Variants in SAMD12 observed in about 807,000 individuals in gnomAD.
SAMD12 encodes the protein sterile alpha motif domain-containing protein 12.
Under a neutral mutation model 15.0 loss-of-function variants are expected in SAMD12, and 9 were observed. The ratio of observed to expected loss-of-function variants is 0.60; its 90% CI spans 0.36 to 1.05. The LOEUF (loss-of-function observed/expected upper bound fraction) is 1.05, where lower values mean the gene tolerates loss of function less well. Ranked by LOEUF, SAMD12 falls within the 50% of genes least tolerant of loss-of-function variation. The probability of loss-of-function intolerance (pLI) is 0.01; values close to 1 mark genes in which losing one functional copy is unlikely to be tolerated. For synonymous variants in SAMD12, 86 were observed against 90.1 expected (o/e 0.96, Z 0.25); for missense variants, 230 against 234.2 (o/e 0.98, Z 0.12).
chr8:118,342,196 G>A (rs920486977), intron 4 of SAMD12, among the ~76,000 whole-genome samples: 1 of 151,826 alleles, frequency 6.6e-6, no homozygotes, highest in Non-Finnish European at 1.5e-5. Context: ...GGAGGCTGAG[G>A]CATGAGAGTC....
At chr8:118,600,150 T>C (rs891718880) in intron 1 of SAMD12, among the ~76,000 whole-genome samples, 1 of 152,170 alleles carries the variant, frequency 6.6e-6, no homozygotes, top group African/African-American at 2.4e-5. Flanking sequence ...GTGTGTTAGG[T>C]AAGAAACTTA....
At chr8:118,369,157 G>C (rs1818951230) in intron 4 of SAMD12, among the ~76,000 whole-genome samples, 1 of 152,308 alleles carries the variant, frequency 6.6e-6, no homozygotes, top group East Asian at 1.9e-4. Context: ...GATGAATACA[G>C]TATTATTAGT....
intron 4 of SAMD12, among the ~76,000 whole-genome samples, chr8:118,269,304 G>A (rs554205213): frequency 5.0e-5 from 7 of 140,934 alleles, no homozygotes; most frequent in East Asian, 4.7e-4. Flanking sequence ...ACCTGCTTTC[G>A]CTGTTTTTGA....
At chr8:118,177,200 T>G in the SAMD12 span, among the ~76,000 whole-genome samples, 1 of 151,610 alleles carries the variant, frequency 6.6e-6, no homozygotes, top group Non-Finnish European at 1.5e-5. Flanking sequence ...ATGAGTTGAG[T>G]TGAATTTTGT....
At chr8:118,156,954 A>G in the SAMD12 span, among the ~76,000 whole-genome samples, 14 of 152,314 alleles carry the variant, frequency 9.2e-5, no homozygotes, top group East Asian at 9.7e-4. Flanking sequence ...TGTTTGCCCT[A>G]TGGAAATTAG....
chr8:118,407,467 G>A (rs1186486252), intron 3 of SAMD12, among the ~76,000 whole-genome samples: 1 of 152,042 alleles, frequency 6.6e-6, no homozygotes, highest in Non-Finnish European at 1.5e-5. Context: ...GCATTCTTAA[G>A]GAAAATAAAT....
At chr8:118,588,238 C>T (rs1397843020) in intron 1 of SAMD12, among the ~76,000 whole-genome samples, 1 of 152,098 alleles carries the variant, frequency 6.6e-6, no homozygotes, top group South Asian at 2.1e-4. Flanking sequence ...AATGTGTTGA[C>T]ATAAAAATAC....
At chr8:118,307,838 G>A (rs1385181815) in intron 4 of SAMD12, among the ~76,000 whole-genome samples, 1 of 152,100 alleles carries the variant, frequency 6.6e-6, no homozygotes, top group African/African-American at 2.4e-5. Context: ...TGTTTGGGTT[G>A]GGTTCTGCCA....
At chr8:118,344,700 T>C (rs1467496800) in intron 4 of SAMD12, among the ~76,000 whole-genome samples, 1 of 152,216 alleles carries the variant, frequency 6.6e-6, no homozygotes, top group Non-Finnish European at 1.5e-5. Flanking sequence ...GTAAAGTCCT[T>C]GAGGGCAGGG....
the SAMD12 span, among the ~76,000 whole-genome samples, chr8:118,169,290 A>G: frequency 6.6e-6 from 1 of 152,252 alleles, no homozygotes; most frequent in Admixed American, 6.5e-5. Context: ...ATTTCCTTTC[A>G]TGGAAGCTAC....
At chr8:118,143,824 C>T in the SAMD12 span, among the ~76,000 whole-genome samples, 39 of 152,156 alleles carry the variant, frequency 2.6e-4, no homozygotes, top group Admixed American at 1.6e-3. Context: ...CTGAGGTCTA[C>T]GCACAGTCAT....
chr8:118,327,047 C>G (rs1230302550), intron 4 of SAMD12, among the ~76,000 whole-genome samples: 1 of 152,206 alleles, frequency 6.6e-6, no homozygotes, highest in Non-Finnish European at 1.5e-5. Context: ...CACAGATGCA[C>G]TACTACGTCA....
chr8:118,558,881 G>C (rs749855388), intron 2 of SAMD12, among the ~76,000 whole-genome samples: 1 of 152,160 alleles, frequency 6.6e-6, no homozygotes, highest in Non-Finnish European at 1.5e-5. Flanking sequence ...ACTTCATGAA[G>C]AAGTGGATCA....
chr8:118,465,877 G>A (rs192986516), intron 2 of SAMD12, among the ~76,000 whole-genome samples: 3 of 152,120 alleles, frequency 2.0e-5, no homozygotes, highest in Admixed American at 2.0e-4. Flanking sequence ...GAGCTTCTGG[G>A]ACTCAAAACT....
At chr8:118,341,200 T>A (rs762540137) in intron 4 of SAMD12, among the ~76,000 whole-genome samples, 1 of 152,164 alleles carries the variant, frequency 6.6e-6, no homozygotes, top group Non-Finnish European at 1.5e-5. Context: ...CACAGCATGG[T>A]GGTCTCAGGG....
intron 2 of SAMD12, among the ~76,000 whole-genome samples, chr8:118,491,616 C>G (rs1439324846): frequency 6.6e-6 from 1 of 152,132 alleles, no homozygotes; most frequent in Admixed American, 6.6e-5. Flanking sequence ...AATCCCTACC[C>G]CTCAGAGTAA....
Position 118,284,862 on chromosome 8 carries a change from T to A in SAMD12, c.434-87130A>T, listed in dbSNP as rs200884515. The A allele has an allele frequency of 3.4e-5, 5 of 145,714 alleles. No individual in the cohort carries two copies. The East Asian group carries it at 6.1e-4, about 18-fold the overall frequency. 9.0% of individuals were successfully genotyped at this position (145,714 alleles called of 1,614,324 possible). Reference sequence around the variant, plus strand: ...GAGGCTGAGGCAGGAGAATGGTGTGTACCCAGGAGGCGGAGCTTGCAGTGA... The same window carrying A: ...GAGGCTGAGGCAGGAGAATGGTGTGAACCCAGGAGGCGGAGCTTGCAGTGA... On this transcript the variant is annotated intron_variant, in intron 4 of 4. Coordinates refer to the SAMD12 transcript ENST00000409003.
intron 1 of SAMD12, among the ~76,000 whole-genome samples, chr8:118,593,611 C>T (rs570716407): frequency 5.8e-4 from 89 of 152,140 alleles, no homozygotes; most frequent in Non-Finnish European, 1.1e-3. Context: ...TTAAATATTT[C>T]GATTATCACA....
At chr8:118,339,173 T>TA (rs1461867405) in intron 4 of SAMD12, among the ~76,000 whole-genome samples, 1 of 151,386 alleles carries the variant, frequency 6.6e-6, no homozygotes, top group African/African-American at 2.4e-5. Context: ...CTACAGAAAA[T>TA]AAAAAATTAG....
Sources: gnomAD v4.1 joint callset for allele counts (sites outside exome capture counted in the v4.1 genomes callset) on GRCh38, gnomAD v4.1.1 for gene constraint, MANE v1.5 for transcripts, NCBI Gene and HGNC (gene_info 2026-07-23, HGNC 2026-07-21) for gene names.